HMCN1: variants seen among roughly 807,000 people sequenced by gnomAD.
HMCN1 encodes the protein hemicentin 1.
In HMCN1, 321 loss-of-function variants were observed where a neutral mutation model predicts 625.9. That is an observed-to-expected ratio of 0.51 (90% confidence interval 0.47 to 0.56). The LOEUF is 0.56. Among genes scored for constraint, HMCN1 ranks in the 20% least tolerant of loss-of-function variants. The pLI is 0.00. For missense variants in HMCN1, 6,588 were observed against 6,887.3 expected (o/e 0.96, Z 1.54); for synonymous variants, 2,425 against 2,417.6 (o/e 1.00, Z -0.09).
intron 1 of HMCN1, among the ~76,000 whole-genome samples, chr1:185,807,472 C>A (rs73070595): frequency 0.031 from 4,657 of 152,222 alleles, 256 homozygotes; most frequent in African/African-American, 0.11. Flanking sequence ...CATACATATT[C>A]ACATATGGTT....
rs559666105 is a variant in HMCN1, at chr1:185,781,273, G to A, written c.268+46226G>A. 3.2e-3 allele frequency among the ~76,000 whole-genome samples: 487 copies of A among 151,934 alleles called. 1 individual carries two copies. The highest frequency in any genetic ancestry group is 0.011 in the African/African-American group (462 of 41,444). On this transcript the variant is annotated intron_variant, in intron 1 of 106. Transcript: ENST00000271588. ...TATTAGTCTTGCTAGCAGTCTATCAGTTTTGTTGATCCTTTCAAAAAACCA... is the reference window on the plus strand; with the variant it reads ...TATTAGTCTTGCTAGCAGTCTATCAATTTTGTTGATCCTTTCAAAAAACCA...
chr1:186,002,916 T>A (rs1362591101), intron 28 of HMCN1, among the ~76,000 whole-genome samples: 1 of 152,132 alleles, frequency 6.6e-6, no homozygotes, highest in African/African-American at 2.4e-5. Flanking sequence ...TTATGTCTAC[T>A]TCCTAATTCT....
intron 2 of HMCN1, among the ~76,000 whole-genome samples, chr1:185,846,993 G>A (rs1661861732): frequency 6.6e-6 from 1 of 151,972 alleles, no homozygotes; most frequent in Admixed American, 6.6e-5. Flanking sequence ...ACAATTACCT[G>A]TGCACTGAGC....
chr1:185,822,077 A>G (rs1660219880), intron 1 of HMCN1, among the ~76,000 whole-genome samples: 1 of 152,126 alleles, frequency 6.6e-6, no homozygotes, highest in Non-Finnish European at 1.5e-5. Flanking sequence ...CAGGTGGAGC[A>G]CAGAGGATTC....
intron 68 of HMCN1, among the ~76,000 whole-genome samples, chr1:186,096,499 A>T (rs1225936566): frequency 6.6e-6 from 1 of 152,140 alleles, no homozygotes; most frequent in Non-Finnish European, 1.5e-5. Flanking sequence ...GCAGAACCAT[A>T]TCTAAATAAA....
intron 93 of HMCN1, among the ~76,000 whole-genome samples, chr1:186,148,584 C>G (rs1280952009): frequency 1.3e-5 from 2 of 152,126 alleles, no homozygotes; most frequent in African/African-American, 4.8e-5. Context: ...TCTCAGCTCA[C>G]TGCAACCTCT....
chr1:186,145,569 T>C lies in HMCN1; in HGVS notation c.14433T>C (p.Cys4811=). 6.2e-7 allele frequency: 1 copy of C among 1,613,996 alleles called. No homozygotes were observed. ...TCCAGAGGTGCAACACTGACATGTGTCCTGGTGAGCCTCTTGATTTCTGGC... is the reference window on the plus strand; with the variant it reads ...TCCAGAGGTGCAACACTGACATGTGCCCTGGTGAGCCTCTTGATTTCTGGC... ...SQIQRCNTDM[C]PVDGSWGSWH... is the part of the protein sequence containing the mutation. Residue 4811 remains cysteine, a synonymous_variant, in exon 92 of 107, where the codon TGT becomes TGC. Coordinates refer to ENST00000271588, the MANE Select transcript of HMCN1 (RefSeq NM_031935.3).
intron 1 of HMCN1, among the ~76,000 whole-genome samples, chr1:185,833,509 A>AT (rs1429574619): frequency 2.6e-5 from 4 of 152,114 alleles, no homozygotes; most frequent in Admixed American, 1.3e-4. Context: ...AAGATCTTAC[A>AT]TTTTTTTAGT....
chr1:185,906,951 A>ATTTTTT (rs573094693), intron 4 of HMCN1, among the ~76,000 whole-genome samples: 4 of 108,618 alleles, frequency 3.7e-5, no homozygotes, highest in Non-Finnish European at 4.3e-5. Flanking sequence ...AATCCTTTCT[A>ATTTTTT]TTTTTTTTTT....
chr1:186,158,324 A>G (rs1303249478), intron 97 of HMCN1, among the ~76,000 whole-genome samples: 1 of 151,280 alleles, frequency 6.6e-6, no homozygotes, highest in Non-Finnish European at 1.5e-5. Flanking sequence ...TTCATTGTAG[A>G]TTCTGGATAT....
chr1:185,812,430 C>T (rs757151343), intron 1 of HMCN1, among the ~76,000 whole-genome samples: 12 of 152,040 alleles, frequency 7.9e-5, no homozygotes, highest in Non-Finnish European at 1.6e-4. Context: ...GTGTCATATG[C>T]GACTCTAAGA....
intron 1 of HMCN1, among the ~76,000 whole-genome samples, chr1:185,779,887 G>T (rs1031309555): frequency 8.5e-5 from 13 of 152,204 alleles, no homozygotes; most frequent in African/African-American, 3.1e-4. Context: ...TGTGAAGAAA[G>T]TCATTGGTAG....
At chr1:186,019,465 G>C (rs979398824) in intron 34 of HMCN1, 76 bp from the exon 35 acceptor site, 2 of 1,045,604 alleles carry the variant, frequency 1.9e-6, no homozygotes. Context: ...TAAGGTTTCA[G>C]GTTCTTGCAT....
chr1:185,844,331 A>G (rs545103180), intron 1 of HMCN1, among the ~76,000 whole-genome samples: 26 of 152,226 alleles, frequency 1.7e-4, no homozygotes, highest in African/African-American at 6.3e-4. Context: ...TCCTTTTTCA[A>G]ACTGCAAAGT....
chr1:185,937,633 G>A (rs1017918969), intron 11 of HMCN1, among the ~76,000 whole-genome samples: 2 of 152,190 alleles, frequency 1.3e-5, no homozygotes, highest in South Asian at 4.2e-4. Context: ...TGTAATCCCA[G>A]CACTTTGGGA....
At chr1:185,803,638 G>A (rs1658972078) in intron 1 of HMCN1, among the ~76,000 whole-genome samples, 1 of 152,096 alleles carries the variant, frequency 6.6e-6, no homozygotes, top group Non-Finnish European at 1.5e-5. Context: ...GTTAGTACCT[G>A]TTTAGGAATA....
chr1:185,856,665 G>A (rs1038933643), intron 2 of HMCN1, among the ~76,000 whole-genome samples: 8 of 152,072 alleles, frequency 5.3e-5, no homozygotes, highest in Non-Finnish European at 8.8e-5. Context: ...TTATACTCAT[G>A]TTAGAATAAG....
Position 185,984,160 on chromosome 1 carries a change from TC to T in HMCN1, c.2791-7del. On this transcript the variant is annotated splice_region_variant and splice_polypyrimidine_tract_variant and intron_variant, in intron 18 of 106. Transcript: ENST00000271588. Reference sequence around the variant, plus strand: ...TTTAAATAAAAATTACCTTTTTTTTTCCTTTAAGTTGCTCCAAAATCCTTAC... The same window carrying T: ...TTTAAATAAAAATTACCTTTTTTTTTCTTTAAGTTGCTCCAAAATCCTTAC... 2 of 1,609,582 alleles carry T rather than the reference TC, an allele frequency of 1.2e-6. No homozygotes were observed. Among genetic ancestry groups the T allele is most frequent in the South Asian group, 1.1e-5 (1 of 90,616 alleles).
At chr1:185,736,790 G>C (rs896952451) in intron 1 of HMCN1, among the ~76,000 whole-genome samples, 3 of 152,096 alleles carry the variant, frequency 2.0e-5, no homozygotes, top group African/African-American at 2.4e-5. Flanking sequence ...ATTTAAAGTT[G>C]GGGAAACTTG....
Sources: allele counts gnomAD v4.1 joint callset (sites outside exome capture counted in the v4.1 genomes callset), GRCh38; gene constraint gnomAD v4.1.1; transcripts MANE v1.5; gene names NCBI Gene and HGNC (gene_info 2026-07-23, HGNC 2026-07-21).